TOX: variants seen among roughly 807,000 people sequenced by gnomAD.
TOX encodes the protein thymocyte selection associated high mobility group box.
In TOX, 11 loss-of-function variants were observed where a neutral mutation model predicts 53.7. That is an observed-to-expected ratio of 0.20 (90% CI 0.13 to 0.34). The LOEUF is 0.34. TOX is among the 10% of genes least tolerant of loss of function. The pLI, the probability that TOX is intolerant of heterozygous loss-of-function variation, is 1.00. For missense variants in TOX, 570 were observed against 664.6 expected (o/e 0.86, Z 1.56); for synonymous variants, 225 against 245.3 (o/e 0.92, Z 0.77).
chr8:58,946,176 C>G (rs1741842873), intron 2 of TOX, among the ~76,000 whole-genome samples: 1 of 151,986 alleles, frequency 6.6e-6, no homozygotes, highest in Non-Finnish European at 1.5e-5. Flanking sequence ...TAGAAGAATG[C>G]CAATGTTTAA....
chr8:59,047,586 G>A (rs964690720), intron 1 of TOX, among the ~76,000 whole-genome samples: 2 of 151,076 alleles, frequency 1.3e-5, no homozygotes, highest in Admixed American at 6.6e-5. Context: ...TCCTAGAGAC[G>A]GGGTTCCACT....
intron 3 of TOX, among the ~76,000 whole-genome samples, chr8:58,875,977 T>A (rs1489083269): frequency 6.6e-6 from 1 of 152,196 alleles, no homozygotes; most frequent in Non-Finnish European, 1.5e-5. Context: ...GACAGACTGA[T>A]CTGGTCCTCA....
intron 1 of TOX, among the ~76,000 whole-genome samples, chr8:59,063,426 C>A (rs1398541875): frequency 8.1e-6 from 1 of 123,808 alleles, no homozygotes; most frequent in South Asian, 2.6e-4. Context: ...AGGATATAGA[C>A]TTTTTTTTTT....
chr8:58,871,705 T>A (rs1412969475), intron 3 of TOX, among the ~76,000 whole-genome samples: 1 of 152,124 alleles, frequency 6.6e-6, no homozygotes, highest in Non-Finnish European at 1.5e-5. Flanking sequence ...AAATGGATAG[T>A]GGATGTGGGT....
At chr8:59,024,554 GTGT>G (rs1393908522) in intron 1 of TOX, among the ~76,000 whole-genome samples, 1 of 152,150 alleles carries the variant, frequency 6.6e-6, no homozygotes, top group Non-Finnish European at 1.5e-5. Context: ...TCACGTTTTT[GTGT>G]TCAGCTAGCG....
chr8:59,027,821 C>T (rs1252207677), intron 1 of TOX, among the ~76,000 whole-genome samples: 1 of 152,082 alleles, frequency 6.6e-6, no homozygotes, highest in Non-Finnish European at 1.5e-5. Context: ...TGAATATAGA[C>T]TTCTATATAT....
At chr8:58,999,720 C>A (rs1813653795) in intron 1 of TOX, among the ~76,000 whole-genome samples, 1 of 152,108 alleles carries the variant, frequency 6.6e-6, no homozygotes, top group South Asian at 2.1e-4. Flanking sequence ...GCACGGCGAT[C>A]TCTATTTTTT....
At chr8:59,090,126 C>G (rs548325180) in intron 1 of TOX, among the ~76,000 whole-genome samples, 99 of 152,274 alleles carry the variant, frequency 6.5e-4, no homozygotes, top group African/African-American at 1.7e-3. Context: ...CTTCTCAGAG[C>G]CTTTTATAAG....
rs71521446 is a variant in TOX, at chr8:59,089,590, C to T, written c.102+29296G>A. Among the ~76,000 whole-genome samples, 1,467 of 152,310 alleles carry T rather than the reference C, an allele frequency of 9.6e-3. 15 individuals carry two copies. Among genetic ancestry groups the T allele is most frequent in the South Asian group, 0.026 (124 of 4,830 alleles). On this transcript the variant is annotated intron_variant, in intron 1 of 8. Transcript: ENST00000361421. Reference sequence around the variant, plus strand: ...GGCTGACTTAATCCAAACCATTCAGCCAGAAGTTTTGTTTTTCTGAGACAA... The same window carrying T: ...GGCTGACTTAATCCAAACCATTCAGTCAGAAGTTTTGTTTTTCTGAGACAA...
intron 1 of TOX, among the ~76,000 whole-genome samples, chr8:58,976,161 G>A (rs1377587005): frequency 6.6e-6 from 1 of 152,114 alleles, no homozygotes; most frequent in Non-Finnish European, 1.5e-5. Flanking sequence ...TTGATAGCAT[G>A]CTACCTACAG....
intron 1 of TOX, among the ~76,000 whole-genome samples, chr8:59,075,291 C>T (rs1322852784): frequency 6.6e-6 from 1 of 152,134 alleles, no homozygotes; most frequent in Non-Finnish European, 1.5e-5. Flanking sequence ...ATAGTCTAAG[C>T]TGGAGGAATC....
chr8:58,879,066 A>AAAAT (rs1811337626), intron 3 of TOX, among the ~76,000 whole-genome samples: 1 of 151,756 alleles, frequency 6.6e-6, no homozygotes, highest in South Asian at 2.1e-4. Flanking sequence ...ATCTCAAAAA[A>AAAAT]AAAAAAACAA....
intron 1 of TOX, among the ~76,000 whole-genome samples, chr8:59,022,681 GA>G (rs1814158846): frequency 6.6e-6 from 1 of 152,122 alleles, no homozygotes; most frequent in Non-Finnish European, 1.5e-5. Flanking sequence ...TCATAGTGAA[GA>G]AAGGCTCATC....
In TOX at chr8:59,095,135, C is replaced by G. The variant is rs1563444853; in HGVS notation, c.102+23751G>C. 2.6e-5 allele frequency among the ~76,000 whole-genome samples: 4 copies of G among 152,294 alleles called. No homozygotes were observed. The South Asian group carries it at 8.3e-4, about 32-fold the overall frequency. On this transcript the variant is annotated intron_variant, in intron 1 of 8. Coordinates refer to ENST00000361421, the MANE Select transcript of TOX (RefSeq NM_014729.3). ...GGACTGTGATCATATTCGTATCATT[C>G]ATGATTTTGTTAATTTTGTTGAATT... is the stretch of plus-strand genomic sequence containing the variant.
intron 1 of TOX, among the ~76,000 whole-genome samples, chr8:59,007,364 G>A (rs1813810706): frequency 6.6e-6 from 1 of 152,148 alleles, no homozygotes; most frequent in Non-Finnish European, 1.5e-5. Context: ...AATGAGAAAT[G>A]GCACTGCTAA....
At chr8:59,066,431 T>C (rs1439464963) in intron 1 of TOX, among the ~76,000 whole-genome samples, 1 of 152,188 alleles carries the variant, frequency 6.6e-6, no homozygotes, top group Non-Finnish European at 1.5e-5. Context: ...ACGTATTAAA[T>C]GTTCTTACGA....
chr8:58,875,014 G>A (rs925768276), intron 3 of TOX, among the ~76,000 whole-genome samples: 1 of 152,204 alleles, frequency 6.6e-6, no homozygotes, highest in Admixed American at 6.5e-5. Context: ...GGACAAGCTC[G>A]ATCTAAACAC....
intron 1 of TOX, among the ~76,000 whole-genome samples, chr8:59,114,322 A>G (rs1392884748): frequency 6.6e-6 from 1 of 152,242 alleles, no homozygotes; most frequent in African/African-American, 2.4e-5. Context: ...AGATCCCTCT[A>G]TAGCTCATAC....
At chr8:58,930,477 G>T (rs1334095009) in intron 3 of TOX, among the ~76,000 whole-genome samples, 1 of 152,194 alleles carries the variant, frequency 6.6e-6, no homozygotes, top group Non-Finnish European at 1.5e-5. Context: ...TTCTCCATGG[G>T]GAGTGGAGTT....
Sources: gnomAD v4.1 joint callset for allele counts (sites outside exome capture counted in the v4.1 genomes callset) on GRCh38, gnomAD v4.1.1 for gene constraint, MANE v1.5 for transcripts, NCBI Gene and HGNC (gene_info 2026-07-23, HGNC 2026-07-21) for gene names.